Variants in EIF4G3 observed in about 807,000 individuals in gnomAD.
The protein encoded by EIF4G3 is eukaryotic translation initiation factor 4 gamma 3, also known as eIF-4-gamma 3.
In EIF4G3, 34 loss-of-function variants were observed where a neutral mutation model predicts 186.4. The observed-to-expected ratio is 0.18, with a 90% CI of 0.14 to 0.24. The LOEUF (loss-of-function observed/expected upper bound fraction) is 0.24, where lower values mean the gene tolerates loss of function less well. Among genes scored for constraint, EIF4G3 ranks in the 10% least tolerant of loss-of-function variants. The probability of loss-of-function intolerance (pLI) is 1.00; values close to 1 mark genes in which losing one functional copy is unlikely to be tolerated. For missense variants in EIF4G3, 1,536 were observed against 1,948.5 expected (o/e 0.79, Z 3.99); for synonymous variants, 673 against 679.5 (o/e 0.99, Z 0.15).
intron 33 of EIF4G3, among the ~76,000 whole-genome samples, 189 bp downstream of exon 33, chr1:20,824,911 T>TG (rs959511379): frequency 3.6e-4 from 55 of 152,260 alleles, no homozygotes; most frequent in African/African-American, 1.2e-3. Context: ...TTTTCTTTTT[T>TG]TAAATATCAA....
At chr1:21,007,650 T>C (rs1557471908) in intron 4 of EIF4G3, among the ~76,000 whole-genome samples, 1 of 151,252 alleles carries the variant, frequency 6.6e-6, no homozygotes, top group African/African-American at 2.4e-5. Context: ...ATGAATCAAG[T>C]CAACATACAT....
intron 3 of EIF4G3, among the ~76,000 whole-genome samples, chr1:21,078,188 T>C (rs2095648185): frequency 6.6e-6 from 1 of 152,200 alleles, no homozygotes; most frequent in South Asian, 2.1e-4. Flanking sequence ...TGTAGCGCTA[T>C]TCACAATAGC....
rs1236390557 is a variant in EIF4G3, at chr1:20,956,870, C to T, written c.715-6759G>A. 2.0e-5 allele frequency among the ~76,000 whole-genome samples: 3 copies of T among 152,208 alleles called. No homozygotes were observed. The East Asian group carries it at 5.8e-4, about 29-fold the overall frequency. On this transcript the variant is annotated intron_variant, in intron 12 of 36. Coordinates refer to ENST00000602326, the MANE Select transcript of EIF4G3 (RefSeq NM_001391906.1). ...CCCCCCAGCTTGGCCTCCCAAAGTACTGGGATTACAGGCATGAGCCACCGC... is the reference window on the plus strand; with the variant it reads ...CCCCCCAGCTTGGCCTCCCAAAGTATTGGGATTACAGGCATGAGCCACCGC...
At chr1:20,825,885 T>A (rs1158837325) in intron 32 of EIF4G3, among the ~76,000 whole-genome samples, 1 of 152,314 alleles carries the variant, frequency 6.6e-6, no homozygotes, top group East Asian at 1.9e-4. Flanking sequence ...GAAGAGCTGT[T>A]GTCAGGTAGA....
chr1:21,034,082 G>A (rs2092979009), intron 4 of EIF4G3, among the ~76,000 whole-genome samples: 1 of 152,152 alleles, frequency 6.6e-6, no homozygotes, highest in Non-Finnish European at 1.5e-5. Flanking sequence ...ATGACAGAGG[G>A]AGACTGTCTG....
At position 20,930,774 on chromosome 1, in the gene EIF4G3, C is replaced by G. The variant is rs181222242; in HGVS notation, c.1663+10717G>C. 4.6e-5 allele frequency among the ~76,000 whole-genome samples: 7 copies of G among 152,278 alleles called. No individual in the cohort carries two copies. In the East Asian group the frequency reaches 1.3e-3, roughly 29 times the overall value. ...TTACTTCTTCTACTGAAGTCTTGAG[C>G]CCCTCAAAGTTGTCCATGAAGGTTA... On this transcript the variant is annotated intron_variant, in intron 14 of 36. Transcript: ENST00000602326.
intron 34 of EIF4G3, among the ~76,000 whole-genome samples, chr1:20,816,729 C>G (rs1348109894): frequency 2.1e-5 from 2 of 95,636 alleles, no homozygotes; most frequent in African/African-American, 3.9e-5. Context: ...GCCACCACCC[C>G]GTCTGGGAGG....
chr1:20,923,265 G>A (rs938547232), intron 14 of EIF4G3, among the ~76,000 whole-genome samples: 4 of 152,128 alleles, frequency 2.6e-5, no homozygotes, highest in African/African-American at 9.7e-5. Flanking sequence ...AAATGGCAAA[G>A]TGACACTAAG....
intron 4 of EIF4G3, among the ~76,000 whole-genome samples, chr1:21,048,323 C>G (rs759432215): frequency 1.3e-5 from 2 of 152,100 alleles, no homozygotes; most frequent in Non-Finnish European, 2.9e-5. Context: ...TCTTTCATAT[C>G]AAAATTCACT....
intron 13 of EIF4G3, among the ~76,000 whole-genome samples, chr1:20,942,735 C>T (rs747255095): frequency 2.9e-4 from 44 of 152,206 alleles, no homozygotes; most frequent in Non-Finnish European, 5.4e-4. Context: ...AGTGGCAAAA[C>T]AGTACAAGGG....
At chr1:20,989,020 G>A (rs1046950523) in intron 7 of EIF4G3, among the ~76,000 whole-genome samples, 4 of 116,014 alleles carry the variant, frequency 3.4e-5, no homozygotes, top group Admixed American at 1.0e-4. Context: ...AGGTAACATC[G>A]TGAGACCCTA....
chr1:21,030,296 A>G (rs2092620994), intron 4 of EIF4G3, among the ~76,000 whole-genome samples: 1 of 152,230 alleles, frequency 6.6e-6, no homozygotes, highest in Non-Finnish European at 1.5e-5. Context: ...TATGGGGGGA[A>G]CCCAGTGAGA....
intron 15 of EIF4G3, among the ~76,000 whole-genome samples, chr1:20,901,546 A>G (rs188329452): frequency 5.3e-5 from 8 of 152,246 alleles, no homozygotes; most frequent in Admixed American, 5.2e-4. Context: ...CCTACAATCA[A>G]CAACAGTCTA....
chr1:20,845,864 A>G (rs376643019), intron 29 of EIF4G3, among the ~76,000 whole-genome samples: 2 of 152,086 alleles, frequency 1.3e-5, no homozygotes, highest in African/African-American at 4.8e-5. Context: ...TTTAATGGGA[A>G]TAGCACTGAA....
chr1:20,844,669 A>T (rs1275782738), intron 29 of EIF4G3, among the ~76,000 whole-genome samples: 1 of 152,106 alleles, frequency 6.6e-6, no homozygotes, highest in Non-Finnish European at 1.5e-5. Flanking sequence ...CGTCTCTACT[A>T]AAAATACAAA....
chr1:21,048,583 ACAGCAAGCAACAGTACC>A (rs770364077), intron 4 of EIF4G3, among the ~76,000 whole-genome samples: 11 of 152,138 alleles, frequency 7.2e-5, no homozygotes, highest in Non-Finnish European at 1.5e-4. Flanking sequence ...GCTTCAGTGC[ACAGCAAGCAACAGTACC>A]CAGCAGCCAA....
chr1:21,001,995 G>A (rs2083634247), intron 5 of EIF4G3, among the ~76,000 whole-genome samples: 1 of 152,214 alleles, frequency 6.6e-6, no homozygotes, highest in Non-Finnish European at 1.5e-5. Context: ...AATGTGAGAT[G>A]TTACAGAAGC....
At chr1:20,961,201 G>A (rs540920728) in intron 12 of EIF4G3, among the ~76,000 whole-genome samples, 76 of 152,178 alleles carry the variant, frequency 5.0e-4, no homozygotes, top group Non-Finnish European at 7.9e-4. Context: ...TGGCCAATGT[G>A]GTGAAACCCC....
intron 1 of EIF4G3, 45 bp downstream of exon 1, chr1:21,176,677 G>A (rs927619929): frequency 8.6e-6 from 5 of 583,018 alleles, no homozygotes; most frequent in South Asian, 1.7e-5. Context: ...GCGACCCCAG[G>A]GGGGGGGCCG....
Sources: gnomAD v4.1 joint callset for allele counts (sites outside exome capture counted in the v4.1 genomes callset) on GRCh38, gnomAD v4.1.1 for gene constraint, MANE v1.5 for transcripts, NCBI Gene and HGNC (gene_info 2026-07-23, HGNC 2026-07-21) for gene names.